The following DDX60L variants were observed in gnomAD, a reference collection of about 807,000 sequenced individuals.
The protein encoded by DDX60L is probable ATP-dependent RNA helicase DDX60-like.
Under a neutral mutation model 211.6 loss-of-function variants are expected in DDX60L, and 191 were observed. The ratio of observed to expected loss-of-function variants is 0.90; its 90% CI spans 0.80 to 1.02. The LOEUF (loss-of-function observed/expected upper bound fraction) is 1.02, where lower values mean the gene tolerates loss of function less well. Ranked by LOEUF, DDX60L falls within the 50% of genes least tolerant of loss-of-function variation. The pLI, the probability that DDX60L is intolerant of heterozygous loss-of-function variation, is 0.00. For missense variants in DDX60L, 2,007 were observed against 1,984.1 expected (o/e 1.01, Z -0.22); for synonymous variants, 706 against 694.1 (o/e 1.02, Z -0.27).
At chr4:168,464,775 C>T (rs1404590783) in intron 4 of DDX60L, among the ~76,000 whole-genome samples, 1 of 151,926 alleles carries the variant, frequency 6.6e-6, no homozygotes, top group Non-Finnish European at 1.5e-5. Context: ...TTATATCCAC[C>T]CTATGGTGCA....
intron 10 of DDX60L, among the ~76,000 whole-genome samples, chr4:168,436,580 G>A (rs1056267865): frequency 1.1e-4 from 16 of 152,278 alleles, no homozygotes; most frequent in African/African-American, 3.4e-4. Flanking sequence ...CTGGGGCAAC[G>A]TTCTCCAGAA....
chr4:168,364,467 C>T (rs1259673218), intron 36 of DDX60L, among the ~76,000 whole-genome samples: 1 of 152,162 alleles, frequency 6.6e-6, no homozygotes, highest in Non-Finnish European at 1.5e-5. Flanking sequence ...CAACATCCCA[C>T]TTTCAACAAT....
chr4:168,448,577 A>T, intron 9 of DDX60L, 61 bp downstream of exon 9: 1 of 1,332,120 alleles, frequency 7.5e-7, no homozygotes, highest in Non-Finnish European at 1.0e-6. Context: ...GTACTGGAAA[A>T]TTTATAAGGG....
Position 168,410,419 on chromosome 4 carries a change from G to A in DDX60L, c.2980-3713C>T, listed in dbSNP as rs568979721. Among the ~76,000 whole-genome samples, 5 of 152,230 alleles carry A rather than the reference G, an allele frequency of 3.3e-5. No individual in the cohort carries two copies. The South Asian group carries it at 1.0e-3, about 32-fold the overall frequency. On this transcript the variant is annotated intron_variant, in intron 22 of 37. Transcript: ENST00000682922. ...ATCCAGGGTTTGAGTGAAAAGCTGA[G>A]GAAAGTCTAAGTTATAGAAGATTTG...
At chr4:168,404,181 T>C in intron 24 of DDX60L, 75 bp from the exon 25 acceptor site, 1 of 1,059,070 alleles carries the variant, frequency 9.4e-7, no homozygotes, top group Non-Finnish European at 1.3e-6. Context: ...GGAATTATTT[T>C]GTTGTCTAAA....
intron 33 of DDX60L, among the ~76,000 whole-genome samples, chr4:168,377,091 A>G (rs975386308): frequency 6.6e-6 from 1 of 152,028 alleles, no homozygotes; most frequent in African/African-American, 2.4e-5. Flanking sequence ...AGGAGTTTAA[A>G]ACCAACCTGG....
chr4:168,434,623 T>C (rs1324855047), intron 10 of DDX60L, among the ~76,000 whole-genome samples: 1 of 152,224 alleles, frequency 6.6e-6, no homozygotes, highest in Non-Finnish European at 1.5e-5. Flanking sequence ...AAAGTAGTTA[T>C]GGTTACCATA....
chr4:168,439,457 G>T (rs1349120716), intron 10 of DDX60L, among the ~76,000 whole-genome samples: 1 of 152,032 alleles, frequency 6.6e-6, no homozygotes, highest in Non-Finnish European at 1.5e-5. Context: ...CCTTCCTTAA[G>T]ACCTGCCCTA....
chr4:168,432,621 A>T (rs1352383248), intron 11 of DDX60L, 51 bp from the exon 12 acceptor site: 7 of 1,098,798 alleles, frequency 6.4e-6, no homozygotes, highest in Non-Finnish European at 9.0e-6. Context: ...TTCAAATTTT[A>T]GCACAAACTT....
chr4:168,474,422 TAAAC>T (rs919835988), intron 1 of DDX60L, among the ~76,000 whole-genome samples: 5 of 151,824 alleles, frequency 3.3e-5, no homozygotes, highest in African/African-American at 7.3e-5. Context: ...GACAAATAAA[TAAAC>T]AAACTAAAAA....
intron 16 of DDX60L, 67 bp from the exon 17 acceptor site, chr4:168,421,976 T>A: frequency 6.3e-7 from 1 of 1,592,102 alleles, no homozygotes; most frequent in Non-Finnish European, 8.6e-7. Flanking sequence ...ACAGACAGTA[T>A]CCTTTGTACC....
At position 168,461,955 on chromosome 4, in the gene DDX60L, A is replaced by T; in HGVS notation, c.350T>A (p.Ile117Asn). ...LILHLQHNTN[I>N]DVQTEFSGCL... ...TCCAGAAAACTCCGTTTGCACATCA[A>T]TGTTAGTATTGTGTTGAAGGTGGAG... Residue 117 changes from isoleucine to asparagine, a missense_variant, in exon 5 of 38, where the codon ATT (isoleucine) becomes AAT (asparagine). Ile to Asn is a moderately radical substitution (Grantham distance 149, BLOSUM62 -3). Coordinates refer to ENST00000682922, the MANE Select transcript of DDX60L (RefSeq NM_001012967.3). 6.2e-7 allele frequency: 1 copy of T among 1,613,422 alleles called. No homozygotes were observed. The highest frequency in any genetic ancestry group is 8.5e-7 in the Non-Finnish European group (1 of 1,179,642).
At chr4:168,413,965 A>C (rs1049765806) in intron 22 of DDX60L, among the ~76,000 whole-genome samples, 2 of 152,226 alleles carry the variant, frequency 1.3e-5, no homozygotes, top group Non-Finnish European at 2.9e-5. Context: ...TCAAGAATAA[A>C]GAAAGGATCC....
At chr4:168,381,918 T>C (rs1009160695) in intron 30 of DDX60L, among the ~76,000 whole-genome samples, 2 of 152,056 alleles carry the variant, frequency 1.3e-5, no homozygotes, top group African/African-American at 4.8e-5. Context: ...ACCTTTAAAG[T>C]GTACTACTCT....
intron 36 of DDX60L, among the ~76,000 whole-genome samples, chr4:168,368,697 G>C (rs1252282396): frequency 6.6e-6 from 1 of 152,226 alleles, no homozygotes; most frequent in Non-Finnish European, 1.5e-5. Flanking sequence ...GAGGGAGGCT[G>C]TACCCTGCAA....
In DDX60L at chr4:168,449,337, C is replaced by T. The variant is rs532775947; in HGVS notation, c.997-558G>A. ...GTAGGGACATGGATGAAATTGGAAACCATCATTCTCAGTAAACTATCGCAA... is the reference window on the plus strand; with the variant it reads ...GTAGGGACATGGATGAAATTGGAAATCATCATTCTCAGTAAACTATCGCAA... On this transcript the variant is annotated intron_variant, in intron 8 of 37. Coordinates refer to ENST00000682922, the MANE Select transcript of DDX60L (RefSeq NM_001012967.3). Among the ~76,000 whole-genome samples, 1,024 of 150,216 alleles carry T rather than the reference C, an allele frequency of 6.8e-3. 17 individuals carry two copies. The highest frequency in any genetic ancestry group is 0.02 in the African/African-American group (826 of 40,642).
chr4:168,404,076 C>G lies in DDX60L; in HGVS notation c.3244G>C (p.Asp1082His), dbSNP rs774546455. ...ATATCTTTTGAACTAGACAATGAAT[C>G]CGGACTAAGGTTCTTCAGTACTCTT... ...VKRVLKNLSP[D>H]SLSSSKDMVK... The change falls in exon 25 of 38, where the codon GAT becomes CAT. Residue 1082 changes from aspartate to histidine, a missense_variant. Coordinates refer to ENST00000682922, the MANE Select transcript of DDX60L (RefSeq NM_001012967.3). 17 of 1,432,552 alleles carry G rather than the reference C, an allele frequency of 1.2e-5. No homozygotes were observed. Among genetic ancestry groups the G allele is most frequent in the Non-Finnish European group, 1.4e-5 (15 of 1,080,662 alleles). 88.7% of individuals were successfully genotyped at this position (1,432,552 alleles called of 1,614,324 possible). A position where few individuals can be genotyped will look rare whatever the true frequency, so the allele number is the denominator to read the frequency against.
chr4:168,422,316 A>G (rs2149884550), intron 16 of DDX60L, among the ~76,000 whole-genome samples: 1 of 152,358 alleles, frequency 6.6e-6, no homozygotes, highest in South Asian at 2.1e-4. Context: ...AGGTATCAGT[A>G]TAACTTCCAC....
chr4:168,373,425 T>A (rs12507515), intron 35 of DDX60L, among the ~76,000 whole-genome samples: 115,120 of 151,836 alleles, frequency 0.76, 43,803 homozygotes, highest in East Asian at 0.86. Context: ...AAACCTCATT[T>A]AAAAAAATGA....
Sources: gnomAD v4.1 joint callset for allele counts (sites outside exome capture counted in the v4.1 genomes callset) on GRCh38, gnomAD v4.1.1 for gene constraint, MANE v1.5 for transcripts, NCBI Gene and HGNC (gene_info 2026-07-23, HGNC 2026-07-21) for gene names.